Variants in LILRB1 observed in about 807,000 individuals in gnomAD.
LILRB1 encodes leukocyte immunoglobulin like receptor B1, also known as leukocyte immunoglobulin-like receptor subfamily B member 1.
In LILRB1, 59 loss-of-function variants were observed where a neutral mutation model predicts 74.6. The ratio of observed to expected loss-of-function variants is 0.79; its 90% CI spans 0.64 to 0.98. The LOEUF (loss-of-function observed/expected upper bound fraction) is 0.98, where lower values mean the gene tolerates loss of function less well. Among genes scored for constraint, LILRB1 ranks in the 50% least tolerant of loss-of-function variants. The probability of loss-of-function intolerance (pLI) is 0.00; values close to 1 mark genes in which losing one functional copy is unlikely to be tolerated. For synonymous variants in LILRB1, 328 were observed against 333.9 expected (o/e 0.98, Z 0.19); for missense variants, 804 against 822.6 (o/e 0.98, Z 0.28).
rs2064546307 is a variant in LILRB1, at chr19:54,637,571, T to C, written c.*693T>C. 1 of 148,362 alleles carries C rather than the reference T, an allele frequency of 6.7e-6. No homozygotes were observed. Among genetic ancestry groups the C allele is most frequent in the African/African-American group, 2.5e-5 (1 of 40,328 alleles). The allele number at this position is 148,362 out of a possible 1,614,324, so 9.2% of individuals were successfully genotyped here. A position where few individuals can be genotyped will look rare whatever the true frequency, so the allele number is the denominator to read the frequency against. On this transcript the variant is annotated 3_prime_UTR_variant, in exon 15 of 15. Transcript: ENST00000324602. ...AGAAAGAAAAAGAGAAAAAAGAAAT[T>C]TAGAAGAATAACAAGTTATTCCAAA...
In LILRB1 at chr19:54,635,158, C is replaced by G; in HGVS notation, c.1541C>G (p.Thr514Arg). 3 of 1,594,550 alleles carry G rather than the reference C, an allele frequency of 1.9e-6. No homozygotes were observed. The highest frequency in any genetic ancestry group is 2.6e-6 in the Non-Finnish European group (3 of 1,165,780). ...GCAGGGGCTGTGGGGCCAGAGCCCACAGACAGAGGCCTGCAGTGGAGGTAA... is the reference window on the plus strand; with the variant it reads ...GCAGGGGCTGTGGGGCCAGAGCCCAGAGACAGAGGCCTGCAGTGGAGGTAA... ...HPAGAVGPEP[T>R]DRGLQWRSSP... is the part of the protein sequence containing the mutation. Residue 514 changes from threonine to arginine, a missense_variant, in exon 11 of 15, where the codon ACA becomes AGA. Transcript: ENST00000324602.
chr19:54,635,666 T>A lies in LILRB1; in HGVS notation c.1653+57T>A, dbSNP rs28536615. The A allele has an allele frequency of 3.0e-3, 4,730 of 1,581,458 alleles. 156 individuals are homozygous for A. The African/African-American group carries it at 0.059, about 20-fold the overall frequency. On this transcript the variant is annotated intron_variant, in intron 13 of 14. Coordinates refer to ENST00000324602, the MANE Select transcript of LILRB1 (RefSeq NM_001081637.3). Reference sequence around the variant, plus strand: ...GGCCTCCTGGTGCCAGATCTAATCCTGCAGAACTTCTCTGTCCTCCTTCCC... The same window carrying A: ...GGCCTCCTGGTGCCAGATCTAATCCAGCAGAACTTCTCTGTCCTCCTTCCC...
rs1568612314 is a variant in LILRB1, at chr19:54,636,935, C to T, written c.*57C>T. 2.5e-6 allele frequency: 4 copies of T among 1,606,440 alleles called. No individual in the cohort carries two copies. Among genetic ancestry groups the T allele is most frequent in the African/African-American group, 2.7e-5 (2 of 74,922 alleles). On this transcript the variant is annotated 3_prime_UTR_variant, in exon 15 of 15. Coordinates refer to ENST00000324602, the MANE Select transcript of LILRB1 (RefSeq NM_001081637.3). ...GGAGTCTGGAATGCATGGGAGCTGC[C>T]CCCCCAGTGGACACCATTGGACCCC...
Position 54,634,629 on chromosome 19 carries a change from A to T in LILRB1, c.1364-12A>T, listed in dbSNP as rs540991592. 7.2e-4 allele frequency: 1,151 copies of T among 1,609,496 alleles called. 12 individuals carry two copies. The African/African-American group carries it at 0.013, about 18-fold the overall frequency. On this transcript the variant is annotated splice_polypyrimidine_tract_variant and intron_variant, in intron 9 of 14. Coordinates refer to ENST00000324602, the MANE Select transcript of LILRB1 (RefSeq NM_001081637.3). The stretch of plus-strand genomic sequence containing the variant: ...TGACATCACCCCCATCCCTGACATC[A>T]TCGTGCTCAAGGTCTGGGAAGGCAC...
At chr19:54,627,281 GC>G (rs1471260259), upstream of LILRB1, among the ~76,000 whole-genome samples, 2 of 152,124 alleles carry the variant, frequency 1.3e-5, no homozygotes, top group Non-Finnish European at 2.9e-5. Context: ...GTAGAAACAA[GC>G]CCTCCCCTCA....
chr19:54,621,530 TTTTTG>T (rs2146165252), intron 1 of LILRB1, among the ~76,000 whole-genome samples: 1 of 95,076 alleles, frequency 1.1e-5, no homozygotes, highest in African/African-American at 3.0e-5. Context: ...TTGTCTGTGT[TTTTTG>T]TTTTTTTTTT....
chr19:54,627,056 A>G (rs1600333272), upstream of LILRB1, among the ~76,000 whole-genome samples: 1 of 152,132 alleles, frequency 6.6e-6, no homozygotes, highest in Admixed American at 6.5e-5. Context: ...GAAGAGGGAG[A>G]ACAACAGTCT....
At position 54,637,034 on chromosome 19, in the gene LILRB1, A is replaced by C; in HGVS notation, c.*156A>C. The C allele has an allele frequency of 3.8e-6, 3 of 788,566 alleles. No individual in the cohort carries two copies. Among genetic ancestry groups the C allele is most frequent in the Non-Finnish European group, 4.0e-6 (2 of 502,746 alleles). The allele number at this position is 788,566 out of a possible 1,614,324, so 48.8% of individuals were successfully genotyped here. On this transcript the variant is annotated 3_prime_UTR_variant, in exon 15 of 15. Coordinates refer to ENST00000324602, the MANE Select transcript of LILRB1 (RefSeq NM_001081637.3). ...CTCAATTCTGCAGTATAAATAACTA[A>C]TGTCTCTACAATTTTGAAATAAAGC...
At chr19:54,627,734 G>A (rs112127616), upstream of LILRB1, among the ~76,000 whole-genome samples, 26 of 152,028 alleles carry the variant, frequency 1.7e-4, no homozygotes, top group African/African-American at 5.3e-4. Context: ...CTTTACTTCT[G>A]TATGTCAGAG....
rs956535935 is a variant in LILRB1, at chr19:54,637,112, G to A, written c.*234G>A. On this transcript the variant is annotated 3_prime_UTR_variant, in exon 15 of 15. Transcript: ENST00000324602. ...AGCTGAGAAAACTAAGTCAGAAAGTGCATTAAACTGAATCACAATGTAAAT... is the reference window on the plus strand; with the variant it reads ...AGCTGAGAAAACTAAGTCAGAAAGTACATTAAACTGAATCACAATGTAAAT... 2 of 542,892 alleles carry A rather than the reference G, an allele frequency of 3.7e-6. No homozygotes were observed. Among genetic ancestry groups the A allele is most frequent in the Non-Finnish European group, 3.2e-6 (1 of 308,364 alleles). The allele number at this position is 542,892 out of a possible 1,614,324, so 33.6% of individuals were successfully genotyped here.
At chr19:54,636,259 G>A in intron 13 of LILRB1, 2 of 771,192 alleles carry the variant, frequency 2.6e-6, no homozygotes, top group East Asian at 2.7e-5. Flanking sequence ...CCCCCAGGCA[G>A]CAGCGAGCTC....
rs754376189 is a variant in LILRB1, at chr19:54,634,736, C to T, written c.1459C>T (p.Arg487Ter). Residue 487 changes from arginine (R) to a stop codon, truncating the protein, a stop_gained, in exon 10 of 15, where the codon CGA becomes TGA. Coordinates refer to ENST00000324602, the MANE Select transcript of LILRB1 (RefSeq NM_001081637.3). LOFTEE classifies it high-confidence loss of function. The part of the protein sequence containing the change: ...LLLLFLILRH[R>*]RQGKHWTSTQ... ...CCTCCTCTTCCTCATCCTCCGACAT[C>T]GACGTCAGGGCAAACACTGGACATC... 2 of 1,613,978 alleles carry T rather than the reference C, an allele frequency of 1.2e-6. No individual in the cohort carries two copies. Among genetic ancestry groups the T allele is most frequent in the Non-Finnish European group, 1.7e-6 (2 of 1,179,960 alleles).
At chr19:54,617,940 A>G (rs919307502) in intron 1 of LILRB1, among the ~76,000 whole-genome samples, 30 of 151,820 alleles carry the variant, frequency 2.0e-4, no homozygotes, top group African/African-American at 6.5e-4. Context: ...TGTCTCTACT[A>G]AAAATGCAAA....
rs2063454697 is a variant in LILRB1 at position 54,621,528 on chromosome 19, GTTTT to G, written c.-166+4182_-166+4185del. ...CTCAGTTTTCCATAAAGTTGTCTGT[GTTTT>G]TTGTTTTTTTTTTTTCATGTTGAAT... On this transcript the variant is annotated intron_variant, in intron 1 of 15. Transcript: ENST00000396331. Among the ~76,000 whole-genome samples, 5 of 93,972 alleles carry G rather than the reference GTTTT, an allele frequency of 5.3e-5. No homozygotes were observed. The South Asian group carries it at 2.1e-3, about 40-fold the overall frequency. 61.6% of individuals were successfully genotyped at this position (93,972 alleles called of 152,430 possible). A position where few individuals can be genotyped will look rare whatever the true frequency, so the allele number is the denominator to read the frequency against.
intron 1 of LILRB1, among the ~76,000 whole-genome samples, chr19:54,623,846 C>T (rs191752291): frequency 1.3e-3 from 198 of 152,320 alleles, no homozygotes; most frequent in African/African-American, 4.6e-3. Context: ...TTGTTTTGCA[C>T]ATTTTCCCCC....
At chr19:54,618,132 GA>G (rs1182166293) in intron 1 of LILRB1, among the ~76,000 whole-genome samples, 3 of 140,364 alleles carry the variant, frequency 2.1e-5, no homozygotes, top group African/African-American at 5.2e-5. Flanking sequence ...AAGAAAAAAA[GA>G]AAAAAAAAGA....
upstream of LILRB1, among the ~76,000 whole-genome samples, chr19:54,616,406 CT>C (rs1261327296): frequency 2.0e-5 from 3 of 152,224 alleles, no homozygotes; most frequent in East Asian, 5.8e-4. Flanking sequence ...GAGTTTGACT[CT>C]TTTTGTCCAC....
intron 9 of LILRB1, chr19:54,634,412 C>T: frequency 6.5e-7 from 1 of 1,528,764 alleles, no homozygotes. Context: ...GGTCAGACTC[C>T]TGGGCTTCCT....
At position 54,633,350 on chromosome 19, in the gene LILRB1, C is replaced by G. The variant is rs370925169; in HGVS notation, c.1261+32C>G. 7.5e-6 allele frequency: 12 copies of G among 1,598,790 alleles called. No individual in the cohort carries two copies. The African/African-American group carries it at 1.1e-4, about 14-fold the overall frequency. ...GCCTTGACCCTGTCCTCTCTGAGCT[C>G]AAAGTCTCAGCTCAGACCCTGCCCC... On this transcript the variant is annotated intron_variant, in intron 7 of 14. Coordinates refer to ENST00000324602, the MANE Select transcript of LILRB1 (RefSeq NM_001081637.3).
Sources: gnomAD v4.1 joint callset for allele counts (sites outside exome capture counted in the v4.1 genomes callset) on GRCh38, gnomAD v4.1.1 for gene constraint, MANE v1.5 for transcripts, NCBI Gene and HGNC (gene_info 2026-07-23, HGNC 2026-07-21) for gene names.